The following UBTF variants were observed in gnomAD, a reference collection of about 807,000 sequenced individuals.
UBTF encodes upstream binding transcription factor.
A neutral mutation model predicts 112.3 loss-of-function variants in UBTF; 8 were observed. The observed-to-expected ratio is 0.07, with a 90% CI of 0.04 to 0.13. The LOEUF (loss-of-function observed/expected upper bound fraction) is 0.13, where lower values mean the gene tolerates loss of function less well. Ranked by LOEUF, UBTF falls within the 10% of genes least tolerant of loss-of-function variation. The pLI, the probability that UBTF is intolerant of heterozygous loss-of-function variation, is 1.00. For synonymous variants in UBTF, 417 were observed against 373.1 expected (o/e 1.12, Z -1.36); for missense variants, 457 against 982.1 (o/e 0.47, Z 7.15).
chr17:44,207,674 C>T (rs1567787064), intron 19 of UBTF, 25 bp downstream of exon 19: 1 of 1,614,224 alleles, frequency 6.2e-7, no homozygotes, highest in Non-Finnish European at 8.5e-7. Flanking sequence ...GCCCCACGCC[C>T]CTGCATCTGG....
Position 44,211,801 on chromosome 17 carries a change from C to G in UBTF, c.906-54G>C, listed in dbSNP as rs764539395. 1.3e-5 allele frequency: 21 copies of G among 1,599,514 alleles called. No individual in the cohort carries two copies. Among genetic ancestry groups the G allele is most frequent in the East Asian group, 8.9e-5 (4 of 44,694 alleles). ...GCCCGTAAGCGAGCAGGGCAGCAGG[C>G]CTTCTCACCTGCAGAGCCCAGCCCA... On this transcript the variant is annotated intron_variant, in intron 9 of 20. Coordinates refer to ENST00000436088, the MANE Select transcript of UBTF (RefSeq NM_014233.4). This position sits in a 1 kb window ranked among gnomAD's most constrained non-coding sequence, Gnocchi z 4.9.
rs751985575 is a variant in UBTF, at chr17:44,212,336, A to G, written c.771+8T>C. 6.2e-7 allele frequency: 1 copy of G among 1,610,940 alleles called. No individual in the cohort carries two copies. Among genetic ancestry groups the G allele is most frequent in the South Asian group, 1.1e-5 (1 of 90,996 alleles). On this transcript the variant is annotated splice_region_variant and intron_variant, in intron 8 of 20. Coordinates refer to ENST00000436088, the MANE Select transcript of UBTF (RefSeq NM_014233.4). ...GCCGGACGGGGAGGAGCGCAGCGGA[A>G]GCCTAACCTCGTACTCCTTCCGCTG...
At position 44,207,440 on chromosome 17, in the gene UBTF, C is replaced by T. The variant is rs1567785824; in HGVS notation, c.2169+14G>A. On this transcript the variant is annotated intron_variant, in intron 20 of 20. Transcript: ENST00000436088. ...GGACTCCCCTCCCCTCCCACTGTGC[C>T]CTGTCTGCCCCACCTCATCCCCATC... 1.2e-6 allele frequency: 2 copies of T among 1,613,214 alleles called. No homozygotes were observed. Among genetic ancestry groups the T allele is most frequent in the East Asian group, 2.2e-5 (1 of 44,884 alleles).
Position 44,207,340 on chromosome 17 carries a change from C to T in UBTF, c.2197G>A (p.Asp733Asn), listed in dbSNP as rs368537570. Reference sequence around the variant, plus strand: ...TCATCCTCATCGTCATCCTCGTCGTCGTCTTCGTCCTCGTCATCCTCTTCA... The same window carrying T: ...TCATCCTCATCGTCATCCTCGTCGTTGTCTTCGTCCTCGTCATCCTCTTCA... ...ENEEDDEDEDDDEDDDEDEDN... is the reference protein window; with the variant it reads ...ENEEDDEDEDNDEDDDEDEDN... Residue 733 changes from aspartate (D) to asparagine (N), a missense_variant, in exon 21 of 21, where the codon GAC (aspartate) becomes AAC (asparagine). By Grantham distance (23) the Asp-to-Asn change is conservative. Coordinates refer to ENST00000436088, the MANE Select transcript of UBTF (RefSeq NM_014233.4). 2 of 1,612,696 alleles carry T rather than the reference C, an allele frequency of 1.2e-6. No homozygotes were observed. Among genetic ancestry groups the T allele is most frequent in the Non-Finnish European group, 1.7e-6 (2 of 1,179,454 alleles).
intron 17 of UBTF, 115 bp from the exon 18 acceptor site, chr17:44,208,026 C>T: frequency 7.6e-7 from 1 of 1,314,086 alleles, no homozygotes. Flanking sequence ...CCCATCTTAC[C>T]CCTCCCAGGC....
upstream of UBTF, among the ~76,000 whole-genome samples, chr17:44,220,170 A>C (rs1408686304): frequency 6.6e-6 from 1 of 150,972 alleles, no homozygotes; most frequent in Non-Finnish European, 1.5e-5. Context: ...GGGCGCCGAG[A>C]GCGACCTCGC....
At chr17:44,216,176 G>A (rs1598262149) in intron 3 of UBTF, 187 bp from the exon 4 acceptor site, 2 of 629,050 alleles carry the variant, frequency 3.2e-6, no homozygotes, top group Admixed American at 2.8e-5. Context: ...GCCTACCGCA[G>A]AGGCCCAGGC....
Position 44,207,131 on chromosome 17 carries a change from GT to G in UBTF, c.*110del. On this transcript the variant is annotated 3_prime_UTR_variant, in exon 21 of 21. Coordinates refer to ENST00000436088, the MANE Select transcript of UBTF (RefSeq NM_014233.4). ...TTTTTTTTTTAAAGAAAGAAAGAAA[GT>G]GGGGGAGGCCAGGGGGGCAAGGGAC... 8.5e-7 allele frequency: 1 copy of G among 1,181,910 alleles called. No homozygotes were observed. The highest frequency in any genetic ancestry group is 1.2e-6 in the Non-Finnish European group (1 of 844,554). The allele number at this position is 1,181,910 out of a possible 1,614,324, so 73.2% of individuals were successfully genotyped here. A position where few individuals can be genotyped will look rare whatever the true frequency, so the allele number is the denominator to read the frequency against.
Position 44,212,950 on chromosome 17 carries a change from C to T in UBTF, c.540-11G>A. The T allele has an allele frequency of 6.2e-7, 1 of 1,613,542 alleles. No individual in the cohort carries two copies. The highest frequency in any genetic ancestry group is 8.5e-7 in the Non-Finnish European group (1 of 1,179,620). ...TCGGGGTGATCCTCCCTAGCCAGGA[C>T]ACGGGGAGCAAGGATCAGCAGGGGA... On this transcript the variant is annotated splice_polypyrimidine_tract_variant and intron_variant, in intron 6 of 20. Coordinates refer to ENST00000436088, the MANE Select transcript of UBTF (RefSeq NM_014233.4).
chr17:44,219,989 G>A (rs549973647), upstream of UBTF, among the ~76,000 whole-genome samples: 544 of 149,920 alleles, frequency 3.6e-3, 1 homozygote, highest in Non-Finnish European at 5.3e-3. Flanking sequence ...GGACCCGGGC[G>A]GCCGAGGCGG....
intron 13 of UBTF, 147 bp from the exon 14 acceptor site, chr17:44,210,620 C>A (rs1174449468): frequency 7.2e-6 from 10 of 1,381,890 alleles, no homozygotes; most frequent in African/African-American, 3.0e-5. Flanking sequence ...GCCTGGTCTG[C>A]GGCGCTCAGC....
chr17:44,207,475 G>C lies in UBTF; in HGVS notation c.2148C>G (p.Asp716Glu). 1.9e-6 allele frequency: 3 copies of C among 1,613,842 alleles called. No individual in the cohort carries two copies. The highest frequency in any genetic ancestry group is 8.5e-7 in the Non-Finnish European group (1 of 1,179,964). ...GGDSSESSSE[D>E]ESEDGDENEE... ...CCACCTCATCCCCATCCTCGCTCTCGTCCTCGCTGCTGGACTCAGAGGAGT... is the reference window on the plus strand; with the variant it reads ...CCACCTCATCCCCATCCTCGCTCTCCTCCTCGCTGCTGGACTCAGAGGAGT... The change falls in exon 20 of 21, where the codon GAC becomes GAG. Residue 716 changes from aspartate (D) to glutamate (E), a missense_variant. By Grantham distance (45) the Asp-to-Glu change is conservative (BLOSUM62 2). Coordinates refer to ENST00000436088, the MANE Select transcript of UBTF (RefSeq NM_014233.4).
At position 44,210,115 on chromosome 17, in the gene UBTF, C is replaced by T; in HGVS notation, c.1626+9G>A. 1 of 1,614,148 alleles carries T rather than the reference C, an allele frequency of 6.2e-7. No homozygotes were observed. On this transcript the variant is annotated intron_variant, in intron 15 of 20. Coordinates refer to ENST00000436088, the MANE Select transcript of UBTF (RefSeq NM_014233.4). ...TCAATGAATGGGGTGGCCCCAGCCC[C>T]ATTCCTACCTCATATCGCTTTTGGT... is the stretch of plus-strand genomic sequence containing the variant.
intron 17 of UBTF, 84 bp downstream of exon 17, chr17:44,209,268 A>T (rs2056497691): frequency 2.1e-6 from 3 of 1,406,634 alleles, no homozygotes; most frequent in Admixed American, 2.4e-5. Context: ...CAGCCAGCAC[A>T]AGTGGGTGGA....
At chr17:44,208,060 G>A (rs968354420) in intron 17 of UBTF, 149 bp from the exon 18 acceptor site, 2 of 771,440 alleles carry the variant, frequency 2.6e-6, no homozygotes, top group Non-Finnish European at 4.1e-6. Flanking sequence ...GGTCTCTGCA[G>A]AGAGCCCCTG....
chr17:44,207,193 G>T lies in UBTF; in HGVS notation c.*49C>A. ...GGAGAAACAAAGGTGGTCAGTTGGG[G>T]AGGGGAGCTCCTGGGCTCTCCCTGG... On this transcript the variant is annotated 3_prime_UTR_variant, in exon 21 of 21. Transcript: ENST00000436088. 1.2e-6 allele frequency: 2 copies of T among 1,605,100 alleles called. No individual in the cohort carries two copies.
Position 44,211,010 on chromosome 17 carries a change from C to G in UBTF, c.1203+29G>C, listed in dbSNP as rs1320834287. 6.2e-7 allele frequency: 1 copy of G among 1,603,610 alleles called. No individual in the cohort carries two copies. The highest frequency in any genetic ancestry group is 8.5e-7 in the Non-Finnish European group (1 of 1,176,356). On this transcript the variant is annotated intron_variant, in intron 12 of 20. Transcript: ENST00000436088. This position sits in a 1 kb window ranked among gnomAD's most constrained non-coding sequence, Gnocchi z 4.9. ...CCAGGGAGCCCAGTCTTGCCCACCC[C>G]CGCCTGCGCGGCCGCACCCTCTGCC...
intron 5 of UBTF, among the ~76,000 whole-genome samples, chr17:44,215,156 G>A (rs1302337862): frequency 1.3e-5 from 2 of 152,244 alleles, no homozygotes; most frequent in East Asian, 3.8e-4. Flanking sequence ...ACTGGACTGG[G>A]ACTCTGGGGC....
intron 7 of UBTF, 33 bp from the exon 8 acceptor site, chr17:44,212,487 CAGCCAG>C: frequency 7.7e-7 from 1 of 1,295,072 alleles, no homozygotes; most frequent in Non-Finnish European, 1.1e-6. Flanking sequence ...CACGCACAGG[CAGCCAG>C]GGGCAGGGGG....
Sources: allele counts gnomAD v4.1 joint callset (sites outside exome capture counted in the v4.1 genomes callset), GRCh38; gene constraint gnomAD v4.1.1; non-coding constraint Gnocchi (gnomAD v3.1); transcripts MANE v1.5; gene names NCBI Gene and HGNC (gene_info 2026-07-23, HGNC 2026-07-21).